The following CCNL1 variants were observed in gnomAD, a reference collection of about 807,000 sequenced individuals.
The protein encoded by CCNL1 is cyclin-L1.
Under a neutral mutation model 60.6 loss-of-function variants are expected in CCNL1, and 13 were observed. That is an observed-to-expected ratio of 0.21 (90% CI 0.14 to 0.34). The LOEUF (loss-of-function observed/expected upper bound fraction) is 0.34. Ranked by LOEUF, CCNL1 falls within the 10% of genes least tolerant of loss-of-function variation. The pLI, the probability that CCNL1 is intolerant of heterozygous loss-of-function variation, is 1.00. For missense variants in CCNL1, 481 were observed against 664.3 expected (o/e 0.72, Z 3.03); for synonymous variants, 270 against 244.3 (o/e 1.10, Z -0.98).
intron 3 of CCNL1, chr3:157,156,978 C>A (rs1738674699): frequency 7.8e-7 from 1 of 1,289,736 alleles, no homozygotes; most frequent in African/African-American, 1.5e-5. Context: ...AGAGCACTGG[C>A]TTCTCCTTGG....
intron 3 of CCNL1, among the ~76,000 whole-genome samples, chr3:157,154,933 T>TATATATACATAC (rs1553850935): frequency 3.4e-5 from 5 of 147,886 alleles, no homozygotes; most frequent in South Asian, 2.1e-4. Context: ...TCTCCATATA[T>TATATATACATAC]ATACATACAT....
rs1243994080 is a variant in CCNL1, at chr3:157,148,341, T to C, written c.1481A>G (p.His494Arg). 1.9e-6 allele frequency: 3 copies of C among 1,614,118 alleles called. No homozygotes were observed. Among genetic ancestry groups the C allele is most frequent in the East Asian group, 2.2e-5 (1 of 44,904 alleles). ...AGATCGTTCACGCCTGTCCCTATGA[T>C]GTCCCCTTTCATGCCTGTGTTTCTT... ...AAKKHRHERG[H>R]HRDRRERSRS... Residue 494 changes from histidine to arginine, a missense_variant, in exon 11 of 11, where the codon CAT (histidine) becomes CGT (arginine). Physicochemically the swap from His to Arg is conservative, Grantham distance 29. This residue lies in a region of CCNL1 where 197 missense variants were observed against 233.9 expected (regional missense o/e 0.84). Coordinates refer to ENST00000295926, the MANE Select transcript of CCNL1 (RefSeq NM_020307.4).
In CCNL1 at chr3:157,153,021, T is replaced by C. The variant is rs1738315815; in HGVS notation, c.609+15A>G. The stretch of plus-strand genomic sequence containing the variant: ...CTAATACTTACGAACCCAATTTCTG[T>C]ACTCTACAACTCACCTTATGAGGAT... On this transcript the variant is annotated intron_variant, in intron 4 of 10. Transcript: ENST00000295926. The C allele has an allele frequency of 6.2e-7, 1 of 1,612,140 alleles. No individual in the cohort carries two copies. The highest frequency in any genetic ancestry group is 1.7e-4 in the Middle Eastern group (1 of 6,056).
At chr3:157,159,317 T>C in intron 2 of CCNL1, 88 bp downstream of exon 2, 1 of 1,266,908 alleles carries the variant, frequency 7.9e-7, no homozygotes, top group South Asian at 1.3e-5. Context: ...AACCACTCCC[T>C]TTCTGGAAAA....
chr3:157,149,444 A>G (rs368842364), intron 9 of CCNL1, 41 bp downstream of exon 9: 108 of 1,609,332 alleles, frequency 6.7e-5, no homozygotes, highest in Non-Finnish European at 8.8e-5. Flanking sequence ...TAAACACATA[A>G]AAGATTCCTC....
At chr3:157,156,232 A>C (rs75242713) in intron 3 of CCNL1, among the ~76,000 whole-genome samples, 1 of 152,232 alleles carries the variant, frequency 6.6e-6, no homozygotes, top group African/African-American at 2.4e-5. Context: ...ATGCCTACTT[A>C]AAAGTAGAAA....
chr3:157,155,829 G>A (rs747899168), intron 3 of CCNL1, among the ~76,000 whole-genome samples: 2 of 152,090 alleles, frequency 1.3e-5, no homozygotes, highest in Non-Finnish European at 2.9e-5. Context: ...GGTGGCATTT[G>A]AAAATCTCTT....
intron 5 of CCNL1, chr3:157,150,799 G>A: frequency 2.0e-6 from 2 of 989,498 alleles, no homozygotes; most frequent in South Asian, 9.2e-5. Flanking sequence ...TGTCAACCAA[G>A]TTCTTTTCAA....
chr3:157,149,646 G>T lies in CCNL1; in HGVS notation c.1022-50C>A. 2.6e-6 allele frequency: 4 copies of T among 1,546,264 alleles called. No homozygotes were observed. In the South Asian group the frequency reaches 4.6e-5, roughly 18 times the overall value. On this transcript the variant is annotated intron_variant, in intron 8 of 10. Coordinates refer to ENST00000295926, the MANE Select transcript of CCNL1 (RefSeq NM_020307.4). ...TGTTAACTACTGGATTTAACAGAGG[G>T]CCAAAAGTTGTTTCTAAATGTAACT...
downstream of CCNL1, among the ~76,000 whole-genome samples, chr3:157,144,140 G>A (rs1184433799): frequency 6.6e-6 from 1 of 152,172 alleles, no homozygotes; most frequent in Non-Finnish European, 1.5e-5. Flanking sequence ...GCAGAAGGGA[G>A]AAGAGGACAC....
intron 3 of CCNL1, 21 bp downstream of exon 3, chr3:157,158,845 G>A: frequency 6.9e-7 from 1 of 1,452,830 alleles, no homozygotes; most frequent in African/African-American, 1.4e-5. Context: ...GAGATACTAT[G>A]TTCAATAATG....
Position 157,154,135 on chromosome 3 carries a change from ATG to A in CCNL1, c.489-981_489-980del, listed in dbSNP as rs1442780034. ...GCTTTAAAAGTAGCACATTCAACTG[ATG>A]TTATCCCCAAATGTTTTATTACATA... On this transcript the variant is annotated intron_variant, in intron 3 of 10. Coordinates refer to ENST00000295926, the MANE Select transcript of CCNL1 (RefSeq NM_020307.4). The A allele has an allele frequency of 2.0e-5, 3 of 152,324 alleles. No individual in the cohort carries two copies. The East Asian group carries it at 5.8e-4, about 29-fold the overall frequency. 9.4% of individuals were successfully genotyped at this position (152,324 alleles called of 1,614,324 possible).
intron 3 of CCNL1, chr3:157,153,973 A>G (rs1391856710): frequency 6.6e-6 from 1 of 152,194 alleles, no homozygotes; most frequent in African/African-American, 2.4e-5. Flanking sequence ...ATTAGGCAAC[A>G]TGCTTTACTA....
At chr3:157,151,423 T>TA (rs995206932) in intron 5 of CCNL1, 5 of 985,728 alleles carry the variant, frequency 5.1e-6, no homozygotes, top group Non-Finnish European at 6.0e-6. Context: ...CTAAAGCATT[T>TA]AAGCAATATT....
At chr3:157,149,177 C>T in intron 10 of CCNL1, 110 bp downstream of exon 10, 1 of 849,806 alleles carries the variant, frequency 1.2e-6, no homozygotes, top group Non-Finnish European at 1.9e-6. Flanking sequence ...ATACTAAAAG[C>T]CTAATTCTAA....
chr3:157,151,041 A>C (rs1738153470), intron 5 of CCNL1: 11 of 984,938 alleles, frequency 1.1e-5, no homozygotes, highest in African/African-American at 3.5e-5. Flanking sequence ...CAACATTCCT[A>C]AACTATCAAA....
intron 5 of CCNL1, chr3:157,150,831 G>A: frequency 6.1e-6 from 6 of 987,120 alleles, no homozygotes; most frequent in Non-Finnish European, 7.2e-6. Flanking sequence ...ACCGTTAACA[G>A]GGGTAAAAAG....
chr3:157,158,792 G>A (rs1465194597), intron 3 of CCNL1, 74 bp downstream of exon 3: 1 of 917,088 alleles, frequency 1.1e-6, no homozygotes, highest in Admixed American at 2.3e-5. Context: ...TGAAAGGAAA[G>A]ATGTTTTGAT....
Position 157,148,375 on chromosome 3 carries a change from C to T in CCNL1, c.1447G>A (p.Asp483Asn). 1 of 1,614,198 alleles carries T rather than the reference C, an allele frequency of 6.2e-7. No individual in the cohort carries two copies. The highest frequency in any genetic ancestry group is 8.5e-7 in the Non-Finnish European group (1 of 1,180,030). The change falls in exon 11 of 11, where the codon GAT (aspartate) becomes AAT (asparagine). Residue 483 changes from aspartate to asparagine, a missense_variant. Physicochemically the swap from Asp to Asn is conservative, Grantham distance 23 (BLOSUM62 1). This residue lies in a region of CCNL1 where 197 missense variants were observed against 233.9 expected (regional missense o/e 0.84). Transcript: ENST00000295926. ...RSQSKSRDHSDAAKKHRHERG... is the reference protein window; with the variant it reads ...RSQSKSRDHSNAAKKHRHERG... ...TCATGCCTGTGTTTCTTGGCTGCAT[C>T]TGAGTGATCCCGAGACTTGCTCTGA... is the stretch of plus-strand genomic sequence containing the variant.
Sources: allele counts gnomAD v4.1 joint callset (sites outside exome capture counted in the v4.1 genomes callset), GRCh38; gene constraint gnomAD v4.1.1; regional missense constraint gnomAD v4.1.1; transcripts MANE v1.5; gene names NCBI Gene and HGNC (gene_info 2026-07-23, HGNC 2026-07-21).